GPN2: variants seen among roughly 807,000 people sequenced by gnomAD.
GPN2 encodes GPN-loop GTPase 2, also known as ATP-binding domain 1 family member B.
GPN2 carries 27 observed loss-of-function variants against 30.1 expected under a neutral mutation model. That is an observed-to-expected ratio of 0.90 (90% confidence interval 0.66 to 1.24). GPN2 has a LOEUF of 1.24. Among genes scored for constraint, GPN2 ranks in the 50% most tolerant of loss-of-function variants. The pLI is 0.00. For missense variants in GPN2, 406 were observed against 405.4 expected (o/e 1.00, Z -0.01); for synonymous variants, 212 against 174.4 (o/e 1.22, Z -1.70).
intron 4 of GPN2, among the ~76,000 whole-genome samples, chr1:26,883,710 G>A (rs1269885259): frequency 6.6e-6 from 1 of 151,896 alleles, no homozygotes; most frequent in African/African-American, 2.4e-5. Context: ...CTTGAATATG[G>A]GAGGCAGAGG....
intron 2 of GPN2, among the ~76,000 whole-genome samples, chr1:26,887,423 C>T (rs1368458442): frequency 2.0e-5 from 3 of 152,126 alleles, no homozygotes; most frequent in African/African-American, 7.2e-5. Flanking sequence ...AACTGGCCTC[C>T]CTGGACAAGG....
rs768110644 is a variant in GPN2, at chr1:26,890,026, G to A, written c.71C>T (p.Thr24Met). ...VIGPPGSGKT[T>M]YCLGMSEFLR... ...GAACTCACTCATGCCCAGGCAGTAC[G>A]TGGTCTTCCCTGAGCCCGGCGGGCC... is the stretch of plus-strand genomic sequence containing the variant. The change falls in exon 1 of 5, where the codon ACG becomes ATG. Residue 24 changes from threonine to methionine, a missense_variant. Thr to Met is a moderately conservative substitution (Grantham distance 81, BLOSUM62 -1). Transcript: ENST00000374135. 6.3e-7 allele frequency: 1 copy of A among 1,597,172 alleles called. No individual in the cohort carries two copies. The highest frequency in any genetic ancestry group is 8.5e-7 in the Non-Finnish European group (1 of 1,178,288).
At position 26,890,116 on chromosome 1, in the gene GPN2, G is replaced by A. The variant is rs938147833; in HGVS notation, c.-20C>T. 4 of 1,498,194 alleles carry A rather than the reference G, an allele frequency of 2.7e-6. No individual in the cohort carries two copies. In the African/African-American group the frequency reaches 5.6e-5, roughly 21 times the overall value. The allele number at this position is 1,498,194 out of a possible 1,614,324, so 92.8% of individuals were successfully genotyped here. A position where few individuals can be genotyped will look rare whatever the true frequency, so the allele number is the denominator to read the frequency against. On this transcript the variant is annotated 5_prime_UTR_variant, in exon 1 of 5. Coordinates refer to ENST00000374135, the MANE Select transcript of GPN2 (RefSeq NM_018066.4). ...TGCCATTGGCGGCCCGCGGCCCGGA[G>A]CAGGTCAACTCACAGGGAAAACGGG...
chr1:26,889,649 C>A (rs1302873028), intron 1 of GPN2, 37 bp downstream of exon 1: 3 of 1,541,982 alleles, frequency 1.9e-6, no homozygotes, highest in South Asian at 1.2e-5. Flanking sequence ...CTCAGTTACT[C>A]CATCCGCAAA....
chr1:26,885,111 C>T (rs2081883829), intron 3 of GPN2, among the ~76,000 whole-genome samples: 1 of 152,118 alleles, frequency 6.6e-6, no homozygotes, highest in African/African-American at 2.4e-5. Context: ...AGCACAGTGC[C>T]CAGCACAGAA....
rs2081909013 is a variant in GPN2, at chr1:26,889,535, G to C, written c.411+151C>G. The C allele has an allele frequency of 7.1e-6, 5 of 702,606 alleles. No individual in the cohort carries two copies. In the South Asian group the frequency reaches 9.6e-5, roughly 13 times the overall value. 43.5% of individuals were successfully genotyped at this position (702,606 alleles called of 1,614,324 possible). ...CTGACTTATCAACACCACACAGCCA[G>C]TCAGTAGCAGAGCCAGATTCTGAAC... On this transcript the variant is annotated intron_variant, in intron 1 of 4. Transcript: ENST00000374135.
In GPN2 at chr1:26,877,181, G is replaced by C. The variant is rs2081841215; in HGVS notation, c.*2496C>G. 1 of 152,180 alleles carries C rather than the reference G, an allele frequency of 6.6e-6. No homozygotes were observed. The highest frequency in any genetic ancestry group is 1.5e-5 in the Non-Finnish European group (1 of 68,070). The allele number at this position is 152,180 out of a possible 1,614,324, so 9.4% of individuals were successfully genotyped here. On this transcript the variant is annotated 3_prime_UTR_variant, in exon 5 of 5. Coordinates refer to ENST00000374135, the MANE Select transcript of GPN2 (RefSeq NM_018066.4). ...CTACCTACTCTGTGGGGTGTTAATA[G>C]GGGTGAGGTGCTTTGAACTTCTCAG...
At position 26,879,739 on chromosome 1, in the gene GPN2, T is replaced by C; in HGVS notation, c.871A>G (p.Ile291Val). Residue 291 changes from isoleucine to valine, a missense_variant, in exon 5 of 5, where the codon ATC (isoleucine) becomes GTC (valine). Physicochemically the swap from Ile to Val is conservative, Grantham distance 29. Coordinates refer to ENST00000374135, the MANE Select transcript of GPN2 (RefSeq NM_018066.4). The part of the protein sequence containing the change: ...ADFHFSSTLG[I>V]QEKYLAPSNQ... ...GAGGGTGCCAGGTACTTCTCCTGGA[T>C]GCCCAGTGTGCTGAGGAAGGGTGCG... 1 of 1,613,496 alleles carries C rather than the reference T, an allele frequency of 6.2e-7. No homozygotes were observed. The highest frequency in any genetic ancestry group is 8.5e-7 in the Non-Finnish European group (1 of 1,179,546).
intron 2 of GPN2, among the ~76,000 whole-genome samples, chr1:26,888,020 G>T (rs1027972666): frequency 2.0e-5 from 3 of 151,678 alleles, no homozygotes; most frequent in African/African-American, 7.3e-5. Flanking sequence ...CACCATGCCT[G>T]GCTACTTTTT....
chr1:26,886,197 C>G (rs1310580702), intron 2 of GPN2, 64 bp from the exon 3 acceptor site: 3 of 1,162,388 alleles, frequency 2.6e-6, no homozygotes, highest in Non-Finnish European at 3.7e-6. Context: ...GGACGAGGTT[C>G]CTTTTTCCTT....
At position 26,890,181 on chromosome 1, in the gene GPN2, C is replaced by T. The variant is rs2081914535; in HGVS notation, c.-85G>A. ...CGGAGACGAGACTGAGGGCGAGGGT[C>T]CCAGTACGTATACCTCGTTGGCGGC... On this transcript the variant is annotated 5_prime_UTR_variant, in exon 1 of 5. Transcript: ENST00000374135. 1 of 1,199,404 alleles carries T rather than the reference C, an allele frequency of 8.3e-7. No individual in the cohort carries two copies. The highest frequency in any genetic ancestry group is 1.6e-5 in the South Asian group (1 of 63,210). The allele number at this position is 1,199,404 out of a possible 1,614,324, so 74.3% of individuals were successfully genotyped here. A position where few individuals can be genotyped will look rare whatever the true frequency, so the allele number is the denominator to read the frequency against.
rs11309173 is a variant in GPN2 at position 26,886,993 on chromosome 1, C to CA, written c.569-861dup. Among the ~76,000 whole-genome samples the CA allele has an allele frequency of 1.1e-3, 90 of 78,758 alleles. 1 individual carries two copies. Among genetic ancestry groups the CA allele is most frequent in the East Asian group, 5.6e-3 (14 of 2,482 alleles). 51.7% of individuals were successfully genotyped at this position (78,758 alleles called of 152,430 possible). ...GGGCAACAAGAGCGAAACTCTGTCT[C>CA]AAAAAAAAAAAAAAAAAAAAAAGTT... On this transcript the variant is annotated intron_variant, in intron 2 of 4. Transcript: ENST00000374135.
chr1:26,884,137 G>C (rs752526163), intron 4 of GPN2, 23 bp downstream of exon 4: 1 of 1,604,416 alleles, frequency 6.2e-7, no homozygotes, highest in African/African-American at 1.3e-5. Context: ...TCTCTGCTAT[G>C]GCCAGGAAGC....
In GPN2 at chr1:26,890,266, G is replaced by A. The variant is rs2081915642; in HGVS notation, c.-170C>T. 1 of 602,056 alleles carries A rather than the reference G, an allele frequency of 1.7e-6. No homozygotes were observed. Among genetic ancestry groups the A allele is most frequent in the Admixed American group, 3.2e-5 (1 of 31,070 alleles). 37.3% of individuals were successfully genotyped at this position (602,056 alleles called of 1,614,324 possible). ...CGTGTCGCGCAAAAGGAGATAACAG[G>A]CCGATACTAACTAGACTAACTCGAC... On this transcript the variant is annotated 5_prime_UTR_variant, in exon 1 of 5. Coordinates refer to ENST00000374135, the MANE Select transcript of GPN2 (RefSeq NM_018066.4).
chr1:26,890,210 C>T lies in GPN2; in HGVS notation c.-114G>A. 1 of 914,558 alleles carries T rather than the reference C, an allele frequency of 1.1e-6. No homozygotes were observed. Among genetic ancestry groups the T allele is most frequent in the Non-Finnish European group, 1.6e-6 (1 of 630,184 alleles). 56.7% of individuals were successfully genotyped at this position (914,558 alleles called of 1,614,324 possible). ...GTACGTATACCTCGTTGGCGGCCAG[C>T]GTCACTCGCCTCAGGCGGAACAGCT... On this transcript the variant is annotated 5_prime_UTR_variant, in exon 1 of 5. Coordinates refer to ENST00000374135, the MANE Select transcript of GPN2 (RefSeq NM_018066.4).
Position 26,879,733 on chromosome 1 carries a change from C to G in GPN2, c.877G>C (p.Glu293Gln). The stretch of plus-strand genomic sequence containing the variant: ...TGGTTCGAGGGTGCCAGGTACTTCT[C>G]CTGGATGCCCAGTGTGCTGAGGAAG... ...FHFSSTLGIQ[E>Q]KYLAPSNQSV... Residue 293 changes from glutamate (E) to glutamine (Q), a missense_variant, in exon 5 of 5, where the codon GAG becomes CAG. Glu to Gln is a conservative substitution (Grantham distance 29). Coordinates refer to ENST00000374135, the MANE Select transcript of GPN2 (RefSeq NM_018066.4). 1.2e-6 allele frequency: 2 copies of G among 1,613,758 alleles called. No homozygotes were observed. The highest frequency in any genetic ancestry group is 1.1e-5 in the South Asian group (1 of 91,032).
chr1:26,885,935 C>T (rs1032935823), intron 3 of GPN2, 38 bp downstream of exon 3: 11 of 1,515,420 alleles, frequency 7.3e-6, no homozygotes, highest in Middle Eastern at 1.9e-4. Context: ...TTGGTGAATC[C>T]CATGCACTGT....
intron 4 of GPN2, among the ~76,000 whole-genome samples, chr1:26,880,725 CAA>C (rs973750125): frequency 6.6e-6 from 1 of 152,252 alleles, no homozygotes. Context: ...CTTTAACTCC[CAA>C]AGTGTTGGAA....
At chr1:26,885,821 T>C in intron 3 of GPN2, 152 bp downstream of exon 3, 1 of 617,062 alleles carries the variant, frequency 1.6e-6, no homozygotes, top group Non-Finnish European at 2.9e-6. Flanking sequence ...CCTCATGATC[T>C]GCCCACCTCG....
Sources: gnomAD v4.1 joint callset for allele counts (sites outside exome capture counted in the v4.1 genomes callset) on GRCh38, gnomAD v4.1.1 for gene constraint, MANE v1.5 for transcripts, NCBI Gene and HGNC (gene_info 2026-07-23, HGNC 2026-07-21) for gene names.